The following CHADL variants were observed in gnomAD, a reference collection of about 807,000 sequenced individuals.
CHADL encodes chondroadherin like, also known as chondroadherin-like protein.
A neutral mutation model predicts 52.1 loss-of-function variants in CHADL; 48 were observed. The ratio of observed to expected loss-of-function variants is 0.92; its 90% CI spans 0.73 to 1.17. The LOEUF is 1.17. Ranked by LOEUF, CHADL falls within the 50% of genes most tolerant of loss-of-function variation. The probability of loss-of-function intolerance (pLI) is 0.00; values close to 1 mark genes in which losing one functional copy is unlikely to be tolerated. For missense variants in CHADL, 977 were observed against 1,035.1 expected (o/e 0.94, Z 0.77); for synonymous variants, 498 against 511.2 (o/e 0.97, Z 0.35).
chr22:41,235,187 G>T lies in CHADL; in HGVS notation c.2220C>A (p.Ala740=). 6.4e-7 allele frequency: 1 copy of T among 1,551,576 alleles called. No homozygotes were observed. Among genetic ancestry groups the T allele is most frequent in the Non-Finnish European group, 8.7e-7 (1 of 1,147,028 alleles). Residue 740 remains alanine, a synonymous_variant, in exon 5 of 6, where the codon GCC becomes GCA. Coordinates refer to ENST00000216241, the MANE Select transcript of CHADL (RefSeq NM_138481.2). ...GTCTTCCTTTGATGGGGGTTCTCCTGGCACTGGGCCTGGAGGCTGGTGTCC... is the reference window on the plus strand; with the variant it reads ...GTCTTCCTTTGATGGGGGTTCTCCTTGCACTGGGCCTGGAGGCTGGTGTCC... ...AKRTPASRPS[A]RRTPIKGRQC...
chr22:41,237,224 C>CA lies in CHADL; in HGVS notation c.1847dup (p.Arg618GlnfsTer63), dbSNP rs2032760225. On this transcript the variant is annotated frameshift_variant, in exon 3 of 6. Coordinates refer to ENST00000216241, the MANE Select transcript of CHADL (RefSeq NM_138481.2). LOFTEE classifies it high-confidence loss of function. ...GGAAGAGGTGCTGCAGCGACCTGCC[C>CA]ACAGGCTGGAAGGCTCCGTCACGCA... is the stretch of plus-strand genomic sequence containing the variant. The CA allele has an allele frequency of 6.5e-7, 1 of 1,549,876 alleles. No homozygotes were observed. Among genetic ancestry groups the CA allele is most frequent in the African/African-American group, 1.4e-5 (1 of 73,170 alleles).
intron 5 of CHADL, 91 bp downstream of exon 5, chr22:41,235,054 G>A: frequency 7.5e-7 from 1 of 1,332,872 alleles, no homozygotes; most frequent in Non-Finnish European, 1.0e-6. Flanking sequence ...CATGAATCAG[G>A]ACCAAGCCAA....
Position 41,238,036 on chromosome 22 carries a change from C to T in CHADL, c.1036G>A (p.Ala346Thr). 7.8e-7 allele frequency: 1 copy of T among 1,275,676 alleles called. No homozygotes were observed. 79.0% of individuals were successfully genotyped at this position (1,275,676 alleles called of 1,614,324 possible). ...CQGPRRLRGE[A>T]LDALRPWDLR... Reference sequence around the variant, plus strand: ...TCCCAGGGCCGCAGGGCGTCCAGAGCCTCGCCCCGCAGGCGCCGCGGCCCC... The same window carrying T: ...TCCCAGGGCCGCAGGGCGTCCAGAGTCTCGCCCCGCAGGCGCCGCGGCCCC... The change falls in exon 3 of 6, where the codon GCT becomes ACT. Residue 346 changes from alanine (A) to threonine (T), a missense_variant. Transcript: ENST00000216241. This position sits in a 1 kb window ranked among gnomAD's most constrained non-coding sequence, Gnocchi z 4.9.
chr22:41,230,464 C>G (rs373816501), intron 5 of CHADL: 2 of 521,568 alleles, frequency 3.8e-6, no homozygotes, highest in Non-Finnish European at 6.8e-6. Context: ...GTCTATATGA[C>G]GGGCCGCCTG....
At position 41,237,157 on chromosome 22, in the gene CHADL, C is replaced by T; in HGVS notation, c.1896+19G>A. On this transcript the variant is annotated intron_variant, in intron 3 of 5. Transcript: ENST00000216241. ...TGTGCCGCCTCCTGCACCAACCCCGCCAGATGCCCAGTGCCCACCTGCTCC... is the reference window on the plus strand; with the variant it reads ...TGTGCCGCCTCCTGCACCAACCCCGTCAGATGCCCAGTGCCCACCTGCTCC... 6.6e-7 allele frequency: 1 copy of T among 1,523,174 alleles called. No individual in the cohort carries two copies. The highest frequency in any genetic ancestry group is 8.8e-7 in the Non-Finnish European group (1 of 1,130,102). The allele number at this position is 1,523,174 out of a possible 1,614,324, so 94.4% of individuals were successfully genotyped here.
chr22:41,234,603 G>A (rs1030807044), intron 5 of CHADL, among the ~76,000 whole-genome samples: 1 of 150,048 alleles, frequency 6.7e-6, no homozygotes, highest in Admixed American at 6.7e-5. Context: ...GCCCAGGCTG[G>A]AGTGCAGTGG....
Position 41,237,700 on chromosome 22 carries a change from G to T in CHADL, c.1372C>A (p.His458Asn). 1 of 1,542,122 alleles carries T rather than the reference G, an allele frequency of 6.5e-7. No homozygotes were observed. The highest frequency in any genetic ancestry group is 8.8e-7 in the Non-Finnish European group (1 of 1,142,688). Residue 458 changes from histidine to asparagine, a missense_variant, in exon 3 of 6, where the codon CAC (histidine) becomes AAC (asparagine). Transcript: ENST00000216241. ...LGHLVSLHLQ[H>N]CGIAELEAGA... Reference sequence around the variant, plus strand: ...GCTTCCAGCTCCGCGATGCCGCAGTGCTGCAGGTGCAGCGACACCAGGTGG... The same window carrying T: ...GCTTCCAGCTCCGCGATGCCGCAGTTCTGCAGGTGCAGCGACACCAGGTGG...
intron 3 of CHADL, among the ~76,000 whole-genome samples, 171 bp downstream of exon 3, chr22:41,237,005 G>T (rs1430532463): frequency 6.6e-6 from 1 of 152,230 alleles, no homozygotes; most frequent in Non-Finnish European, 1.5e-5. Flanking sequence ...CCTGGGTTCT[G>T]CCCGGACTGT....
chr22:41,236,518 A>C lies in CHADL; in HGVS notation c.2029T>G (p.Phe677Val), dbSNP rs1013177825. 1.9e-6 allele frequency: 3 copies of C among 1,551,424 alleles called. No homozygotes were observed. Among genetic ancestry groups the C allele is most frequent in the Non-Finnish European group, 2.6e-6 (3 of 1,146,948 alleles). Residue 677 changes from phenylalanine (F) to valine (V), a missense_variant, in exon 4 of 6, where the codon TTC becomes GTC. Transcript: ENST00000216241. ...GGAAGCAGCTGGCAGTCACAGTGGA[A>C]GGGATTGCTGCTGAGGTCGATGAGC... is the stretch of plus-strand genomic sequence containing the variant. ...LELIDLSSNPFHCDCQLLPLH... is the reference protein window; with the variant it reads ...LELIDLSSNPVHCDCQLLPLH...
At chr22:41,240,155 A>G (rs2032836173) in intron 1 of CHADL, among the ~76,000 whole-genome samples, 1 of 152,168 alleles carries the variant, frequency 6.6e-6, no homozygotes, top group South Asian at 2.1e-4. Context: ...TGGAATGACT[A>G]TGGCTTACTG....
rs142974577 is a variant in CHADL at position 41,229,802 on chromosome 22, C to T, written c.2263-72G>A. On this transcript the variant is annotated intron_variant, in intron 5 of 5. Transcript: ENST00000216241. ...ACCAAGCAGTCCTGTACCACTGGAC[C>T]CAGGGTGTTTCCCAGACACGCCCCC... 9,820 of 1,367,176 alleles carry T rather than the reference C, an allele frequency of 7.2e-3. 57 individuals are homozygous for T. The highest frequency in any genetic ancestry group is 0.01 in the Middle Eastern group (42 of 4,016). 84.7% of individuals were successfully genotyped at this position (1,367,176 alleles called of 1,614,324 possible).
rs1490378628 is a variant in CHADL, at chr22:41,239,465, T to G, written c.164A>C (p.Glu55Ala). Residue 55 changes from glutamate to alanine, a missense_variant, in exon 2 of 6, where the codon GAG (glutamate) becomes GCG (alanine). Coordinates refer to ENST00000216241, the MANE Select transcript of CHADL (RefSeq NM_138481.2). ...HVACRYQNLT[E>A]VPDAIPELTQ... is the part of the protein sequence containing the mutation. ...GACCTCAGGGATGGCGTCTGGCACC[T>G]CAGTGAGGTTCTGGTACCGGCAGGC... is the stretch of plus-strand genomic sequence containing the variant. 1 of 1,550,888 alleles carries G rather than the reference T, an allele frequency of 6.4e-7. No homozygotes were observed. The highest frequency in any genetic ancestry group is 2.0e-5 in the Admixed American group (1 of 50,960).
chr22:41,238,646 C>T lies in CHADL; in HGVS notation c.426G>A (p.Glu142=), dbSNP rs1174937768. The change falls in exon 3 of 6, where the codon GAG becomes GAA. Residue 142 remains glutamate, a synonymous_variant. Coordinates refer to ENST00000216241, the MANE Select transcript of CHADL (RefSeq NM_138481.2). The surrounding 1 kb of genome is among the most constrained non-coding windows in gnomAD (Gnocchi z 4.9). ...GCCGCAGCTCCTCCAGTGCGTTCCC[C>T]TCCAGCTCCAGCCGCCGCAACGAGC... ...GLGSLRRLEL[E]GNALEELRPG... 14 of 1,544,010 alleles carry T rather than the reference C, an allele frequency of 9.1e-6. No individual in the cohort carries two copies. Among genetic ancestry groups the T allele is most frequent in the Non-Finnish European group, 1.1e-5 (13 of 1,146,026 alleles).
Position 41,238,000 on chromosome 22 carries a change from G to T in CHADL, c.1072C>A (p.Pro358Thr). 7.8e-7 allele frequency: 1 copy of T among 1,280,292 alleles called. No individual in the cohort carries two copies. The highest frequency in any genetic ancestry group is 9.8e-7 in the Non-Finnish European group (1 of 1,020,244). 79.3% of individuals were successfully genotyped at this position (1,280,292 alleles called of 1,614,324 possible). ...TCCTCTTCCTGCGCCGCGTCCCCAGGGCAGCGCAGGTCCCAGGGCCGCAGG... is the reference window on the plus strand; with the variant it reads ...TCCTCTTCCTGCGCCGCGTCCCCAGTGCAGCGCAGGTCCCAGGGCCGCAGG... ...DALRPWDLRC[P>T]GDAAQEEEEL... The change falls in exon 3 of 6, where the codon CCT becomes ACT. Residue 358 changes from proline to threonine, a missense_variant. Transcript: ENST00000216241.
At chr22:41,232,000 AAAG>A (rs1456641268) in intron 5 of CHADL, among the ~76,000 whole-genome samples, 1 of 152,132 alleles carries the variant, frequency 6.6e-6, no homozygotes, top group Non-Finnish European at 1.5e-5. Flanking sequence ...TGATGGGAAA[AAAG>A]AAGCCTCAGT....
At position 41,232,097 on chromosome 22, in the gene CHADL, C is replaced by G. The variant is rs569883606; in HGVS notation, c.2263-2367G>C. 2.6e-5 allele frequency among the ~76,000 whole-genome samples: 4 copies of G among 152,232 alleles called. No individual in the cohort carries two copies. In the East Asian group the frequency reaches 7.7e-4, roughly 29 times the overall value. ...CCTGTAATCCCAGCACTTTGGGAGG[C>G]CACGGCGGGCGGATCACAAGGTCAG... is the stretch of plus-strand genomic sequence containing the variant. On this transcript the variant is annotated intron_variant, in intron 5 of 5. Coordinates refer to ENST00000216241, the MANE Select transcript of CHADL (RefSeq NM_138481.2).
At chr22:41,234,549 T>TTTG (rs2032700743) in intron 5 of CHADL, among the ~76,000 whole-genome samples, 1 of 125,526 alleles carries the variant, frequency 8.0e-6, no homozygotes, top group African/African-American at 4.0e-5. Context: ...GCCCAGCTAA[T>TTTG]TTTTTTTTTT....
intron 5 of CHADL, chr22:41,230,076 T>TG: frequency 4.4e-6 from 4 of 912,370 alleles, no homozygotes; most frequent in East Asian, 2.5e-5. Context: ...TCCCAGCTCC[T>TG]CCGCCCCCAC....
rs766287240 is a variant in CHADL, at chr22:41,238,787, G to A, written c.285C>T (p.His95=). The A allele has an allele frequency of 1.3e-6, 2 of 1,549,746 alleles. No individual in the cohort carries two copies. Among genetic ancestry groups the A allele is most frequent in the South Asian group, 1.2e-5 (1 of 84,040 alleles). ...VPHLTHLDLR[H]CEVELVAEGA... Reference sequence around the variant, plus strand: ...CCTCGGCCACCAGCTCCACCTCGCAGTGGCGCAGGTCCAGGTGTGTGAGGT... The same window carrying A: ...CCTCGGCCACCAGCTCCACCTCGCAATGGCGCAGGTCCAGGTGTGTGAGGT... Residue 95 remains histidine, a synonymous_variant, in exon 3 of 6, where the codon CAC becomes CAT. Transcript: ENST00000216241. This position sits in a 1 kb window ranked among gnomAD's most constrained non-coding sequence, Gnocchi z 4.9.
Sources: gnomAD v4.1 joint callset for allele counts (sites outside exome capture counted in the v4.1 genomes callset) on GRCh38, gnomAD v4.1.1 for gene constraint, Gnocchi (gnomAD v3.1) non-coding constraint, MANE v1.5 for transcripts, NCBI Gene and HGNC (gene_info 2026-07-23, HGNC 2026-07-21) for gene names.